The following TNPO1 variants were observed in gnomAD, a reference collection of about 807,000 sequenced individuals.
The protein encoded by TNPO1 is transportin-1.
A neutral mutation model predicts 119.5 loss-of-function variants in TNPO1; 8 were observed. That is an observed-to-expected ratio of 0.07 (90% CI 0.04 to 0.12). The LOEUF (loss-of-function observed/expected upper bound fraction) is 0.12, where lower values mean the gene tolerates loss of function less well. Ranked by LOEUF, TNPO1 falls within the 10% of genes least tolerant of loss-of-function variation. TNPO1 has a pLI of 1.00. For synonymous variants in TNPO1, 362 were observed against 363.0 expected, an observed-to-expected ratio of 1.00 and a Z score of 0.03; for missense variants, 576 against 1,089.8, an observed-to-expected ratio of 0.53 and a Z score of 6.64.
chr5:72,909,767 A>G lies in TNPO1; in HGVS notation c.*1094A>G, dbSNP rs1267597154. On this transcript the variant is annotated 3_prime_UTR_variant, in exon 25 of 25. Transcript: ENST00000337273. ...ATATAAAGTACTGTAGTTTACAGGT[A>G]GGCCTTGAAATATCTTTTTTAGGAT... The G allele has an allele frequency of 6.6e-6, 1 of 152,622 alleles. No individual in the cohort carries two copies. The highest frequency in any genetic ancestry group is 2.4e-5 in the African/African-American group (1 of 41,442). The allele number at this position is 152,622 out of a possible 1,614,324, so 9.5% of individuals were successfully genotyped here.
At chr5:72,858,000 G>A (rs991607521) in intron 4 of TNPO1, among the ~76,000 whole-genome samples, 10 of 152,184 alleles carry the variant, frequency 6.6e-5, no homozygotes, top group African/African-American at 1.7e-4. Context: ...ATTTCTTGCT[G>A]TGTATTAGTA....
At chr5:72,821,195 A>AG (rs1743942393) in intron 1 of TNPO1, among the ~76,000 whole-genome samples, 1 of 39,014 alleles carries the variant, frequency 2.6e-5, no homozygotes, top group East Asian at 3.9e-4. Flanking sequence ...AAATTAGAGA[A>AG]AAATTCATAT....
chr5:72,851,861 G>C (rs192534287), intron 3 of TNPO1, among the ~76,000 whole-genome samples: 187 of 152,292 alleles, frequency 1.2e-3, no homozygotes, highest in African/African-American at 4.4e-3. Context: ...AAAACTTGTT[G>C]CAAAGTCTAC....
intron 24 of TNPO1, 171 bp downstream of exon 24, chr5:72,905,616 C>T: frequency 2.8e-6 from 1 of 352,442 alleles, no homozygotes; most frequent in Non-Finnish European, 5.1e-6. Flanking sequence ...TTAAGTGGGC[C>T]AGGTGTGGTG....
chr5:72,817,008 G>A, intron 1 of TNPO1: 1 of 481,052 alleles, frequency 2.1e-6, no homozygotes, highest in Middle Eastern at 5.5e-4. Context: ...CGTTAGGGGC[G>A]GCAGGAGCCC....
chr5:72,848,949 G>A (rs1171482244), intron 2 of TNPO1, among the ~76,000 whole-genome samples: 1 of 151,926 alleles, frequency 6.6e-6, no homozygotes, highest in Non-Finnish European at 1.5e-5. Flanking sequence ...CTCTGTGCGC[G>A]GCGGAGCTCG....
Position 72,893,542 on chromosome 5 carries a change from C to T in TNPO1, c.2055+7C>T. 7 of 1,614,124 alleles carry T rather than the reference C, an allele frequency of 4.3e-6. No individual in the cohort carries two copies. The highest frequency in any genetic ancestry group is 5.9e-6 in the Non-Finnish European group (7 of 1,180,022). On this transcript the variant is annotated splice_region_variant and intron_variant, in intron 17 of 24. Coordinates refer to ENST00000337273, the MANE Select transcript of TNPO1 (RefSeq NM_002270.4). ...AATGTATCAGTGCATGCAGGTGAGACTTGAAAGGTGAAAATGAATTGAAGC... is the reference window on the plus strand; with the variant it reads ...AATGTATCAGTGCATGCAGGTGAGATTTGAAAGGTGAAAATGAATTGAAGC...
Position 72,900,980 on chromosome 5 carries a change from C to T in TNPO1, c.2421C>T (p.Thr807=). 1 of 1,606,108 alleles carries T rather than the reference C, an allele frequency of 6.2e-7. No homozygotes were observed. The highest frequency in any genetic ancestry group is 8.5e-7 in the Non-Finnish European group (1 of 1,176,988). ...CAATTCTGTAATTCAATAGGTGCAC[C>T]TCTCTGAGAAACATAAGAGACAATG... The part of the protein sequence containing the change: ...MLQQFIRPWC[T]SLRNIRDNEE... Residue 807 remains threonine (T), a synonymous_variant, in exon 22 of 25, where the codon ACC becomes ACT. Coordinates refer to ENST00000337273, the MANE Select transcript of TNPO1 (RefSeq NM_002270.4).
chr5:72,862,738 C>T (rs1475124894), intron 5 of TNPO1, among the ~76,000 whole-genome samples: 2 of 152,050 alleles, frequency 1.3e-5, no homozygotes, highest in Non-Finnish European at 2.9e-5. Flanking sequence ...CTCTGCCTCC[C>T]AGAATCAAGT....
rs77337519 is a variant in TNPO1 at position 72,842,397 on chromosome 5, C to G, written c.16-5988C>G. ...GACCAACCTTAGGCAAGTAACTTCTCTGTGCCTCAATGTACTTATTTGTAA... is the reference window on the plus strand; with the variant it reads ...GACCAACCTTAGGCAAGTAACTTCTGTGTGCCTCAATGTACTTATTTGTAA... On this transcript the variant is annotated intron_variant, in intron 1 of 24. Transcript: ENST00000337273. Among the ~76,000 whole-genome samples, 691 of 152,348 alleles carry G rather than the reference C, an allele frequency of 4.5e-3. 5 individuals are homozygous for G. The highest frequency in any genetic ancestry group is 0.016 in the African/African-American group (660 of 41,574).
chr5:72,873,331 C>T (rs1345194228), intron 7 of TNPO1, among the ~76,000 whole-genome samples: 1 of 152,082 alleles, frequency 6.6e-6, no homozygotes, highest in African/African-American at 2.4e-5. Context: ...CCTTAAGCAC[C>T]TTCACTTTTA....
intron 1 of TNPO1, among the ~76,000 whole-genome samples, chr5:72,828,267 T>C (rs1744291320): frequency 6.6e-6 from 1 of 152,020 alleles, no homozygotes. Context: ...CTCAGTGGAG[T>C]GGAGTACAAT....
intron 3 of TNPO1, among the ~76,000 whole-genome samples, chr5:72,854,698 A>G (rs1197318656): frequency 1.3e-5 from 2 of 152,174 alleles, no homozygotes; most frequent in African/African-American, 2.4e-5. Context: ...GATGTTAACT[A>G]TTGCTAATAT....
chr5:72,893,105 A>G (rs777000604), intron 15 of TNPO1, 34 bp from the exon 16 acceptor site: 3 of 1,532,358 alleles, frequency 2.0e-6, no homozygotes, highest in East Asian at 4.5e-5. Flanking sequence ...CAGTATACCC[A>G]GAAAGTTTAG....
chr5:72,843,589 G>A (rs1485431435), intron 1 of TNPO1, among the ~76,000 whole-genome samples: 6 of 133,080 alleles, frequency 4.5e-5, no homozygotes, highest in South Asian at 2.3e-4. Flanking sequence ...GCAAGATTCC[G>A]TCTCAAAAAA....
intron 6 of TNPO1, among the ~76,000 whole-genome samples, chr5:72,867,080 G>A (rs1205265457): frequency 1.5e-4 from 23 of 151,784 alleles, no homozygotes; most frequent in Admixed American, 1.5e-3. Flanking sequence ...TACTCTGGAG[G>A]CTCAAGCAGG....
intron 11 of TNPO1, among the ~76,000 whole-genome samples, chr5:72,885,399 A>G (rs1748545141): frequency 6.6e-6 from 1 of 152,232 alleles, no homozygotes; most frequent in African/African-American, 2.4e-5. Flanking sequence ...ACTCTACAAA[A>G]TAATATACAT....
In TNPO1 at chr5:72,888,145, T is replaced by A. The variant is rs1748790548; in HGVS notation, c.1371T>A (p.Asp457Glu). 6.2e-7 allele frequency: 1 copy of A among 1,614,164 alleles called. No individual in the cohort carries two copies. Reference sequence around the variant, plus strand: ...CTCACCTTATTCAGTGCCTCTCTGATAAAAAGGCTCTTGTGCGTTCCATAA... The same window carrying A: ...CTCACCTTATTCAGTGCCTCTCTGAAAAAAAGGCTCTTGTGCGTTCCATAA... ...LIPHLIQCLS[D>E]KKALVRSITC... is the part of the protein sequence containing the mutation. Residue 457 changes from aspartate (D) to glutamate (E), a missense_variant, in exon 13 of 25, where the codon GAT becomes GAA. Asp to Glu is a conservative substitution (Grantham distance 45, BLOSUM62 2). Around this residue, in one of 6 missense-constraint regions of TNPO1, gnomAD observed 310 missense variants for 583.0 expected, o/e 0.53. Transcript: ENST00000337273.
Position 72,906,380 on chromosome 5 carries a change from C to T in TNPO1, c.*35+935C>T, listed in dbSNP as rs1007102996. ...AATCTGAGTTCACTGTAATCTCCGC[C>T]TCTTGGGTTCAAGCAATTCTCCTGC... On this transcript the variant is annotated intron_variant, in intron 24 of 24. Coordinates refer to ENST00000337273, the MANE Select transcript of TNPO1 (RefSeq NM_002270.4). Among the ~76,000 whole-genome samples the T allele has an allele frequency of 1.1e-4, 15 of 130,526 alleles. No individual in the cohort carries two copies. In the Admixed American group the frequency reaches 1.3e-3, roughly 12 times the overall value. 85.6% of individuals were successfully genotyped at this position (130,526 alleles called of 152,430 possible). A position where few individuals can be genotyped will look rare whatever the true frequency, so the allele number is the denominator to read the frequency against.
Sources: allele counts gnomAD v4.1 joint callset (sites outside exome capture counted in the v4.1 genomes callset), GRCh38; gene constraint gnomAD v4.1.1; regional missense constraint gnomAD v4.1.1; transcripts MANE v1.5; gene names NCBI Gene and HGNC (gene_info 2026-07-23, HGNC 2026-07-21).